The following ADAMTS7 variants were observed in gnomAD, a reference collection of about 807,000 sequenced individuals.
ADAMTS7 encodes ADAM metallopeptidase with thrombospondin type 1 motif 7.
Under a neutral mutation model 172.6 loss-of-function variants are expected in ADAMTS7, and 89 were observed. The ratio of observed to expected loss-of-function variants is 0.52; its 90% CI spans 0.43 to 0.61. The LOEUF (loss-of-function observed/expected upper bound fraction) is 0.61. ADAMTS7 is among the 20% of genes least tolerant of loss of function. The pLI, the probability that ADAMTS7 is intolerant of heterozygous loss-of-function variation, is 0.00. For missense variants in ADAMTS7, 1,973 were observed against 2,355.6 expected (o/e 0.84, Z 3.36); for synonymous variants, 885 against 978.4 (o/e 0.90, Z 1.78).
At position 78,777,473 on chromosome 15, in the gene ADAMTS7, C is replaced by T. The variant is rs771669252; in HGVS notation, c.1438G>A (p.Ala480Thr). 1.2e-6 allele frequency: 2 copies of T among 1,612,986 alleles called. No homozygotes were observed. Among genetic ancestry groups the T allele is most frequent in the South Asian group, 1.1e-5 (1 of 90,774 alleles). Reference sequence around the variant, plus strand: ...ATGTCCTCGCAGAAGGCAGAGTAGGCCCCGTACTGGAGGCGGCACTGGTGG... The same window carrying T: ...ATGTCCTCGCAGAAGGCAGAGTAGGTCCCGTACTGGAGGCGGCACTGGTGG... Reference protein sequence around the residue: ...VSHQCRLQYGAYSAFCEDMDN... With the variant: ...VSHQCRLQYGTYSAFCEDMDN... The change falls in exon 9 of 24, where the codon GCC becomes ACC. Residue 480 changes from alanine (A) to threonine (T), a missense_variant. Ala to Thr is a moderately conservative substitution (Grantham distance 58, BLOSUM62 0). This residue lies in a region of ADAMTS7 where 526 missense variants were observed against 662.9 expected (regional missense o/e 0.79). Transcript: ENST00000388820.
intron 8 of ADAMTS7, among the ~76,000 whole-genome samples, chr15:78,778,602 A>G (rs2055386652): frequency 6.6e-6 from 1 of 152,156 alleles, no homozygotes; most frequent in South Asian, 2.1e-4. Context: ...ACAGACTTGC[A>G]GGGCTGGGGA....
chr15:78,776,518 G>C (rs1410602152), intron 10 of ADAMTS7, 185 bp from the exon 11 acceptor site: 1 of 933,488 alleles, frequency 1.1e-6, no homozygotes, highest in Non-Finnish European at 1.6e-6. Flanking sequence ...AGCTGAGCGG[G>C]GAGTAAAACA....
In ADAMTS7 at chr15:78,800,346, A is replaced by G; in HGVS notation, c.302T>C (p.Leu101Pro). 1 of 1,603,858 alleles carries G rather than the reference A, an allele frequency of 6.2e-7. No homozygotes were observed. Among genetic ancestry groups the G allele is most frequent in the Non-Finnish European group, 8.5e-7 (1 of 1,176,532 alleles). ...CTCGCTCACAAAGCCGGGCGCCAGC[A>G]GGTGCTGATTGGCGGTCAGGTTGAA... ...LRFNLTANQH[L>P]LAPGFVSETR... is the part of the protein sequence containing the mutation. The change falls in exon 2 of 24, where the codon CTG (leucine) becomes CCG (proline). Residue 101 changes from leucine to proline, a missense_variant. Physicochemically the swap from Leu to Pro is moderately conservative, Grantham distance 98 (BLOSUM62 -3). Around this residue, in one of 8 missense-constraint regions of ADAMTS7, gnomAD observed 306 missense variants for 288.0 expected, o/e 1.06. Transcript: ENST00000388820.
chr15:78,801,987 C>T (rs1156726793), intron 1 of ADAMTS7, among the ~76,000 whole-genome samples: 2 of 152,080 alleles, frequency 1.3e-5, no homozygotes, highest in Non-Finnish European at 2.9e-5. Context: ...GGCACCAAGG[C>T]TGGCCCTGGA....
chr15:78,790,806 G>A lies in ADAMTS7; in HGVS notation c.904-12C>T. On this transcript the variant is annotated splice_polypyrimidine_tract_variant and intron_variant, in intron 5 of 23. Coordinates refer to ENST00000388820, the MANE Select transcript of ADAMTS7 (RefSeq NM_014272.5). ...ATCTTTAGGTCCTCCTGGGGGCAGA[G>A]AGAGTGACTGCTCATGCCTCCCCTG... is the stretch of plus-strand genomic sequence containing the variant. The A allele has an allele frequency of 1.2e-6, 2 of 1,612,932 alleles. No homozygotes were observed. The highest frequency in any genetic ancestry group is 8.5e-7 in the Non-Finnish European group (1 of 1,179,654).
chr15:78,796,579 C>T lies in ADAMTS7; in HGVS notation c.819+11G>A. On this transcript the variant is annotated intron_variant, in intron 4 of 23. Coordinates refer to ENST00000388820, the MANE Select transcript of ADAMTS7 (RefSeq NM_014272.5). ...ATCCCCGCCACCCGCTCCTGGCCCA[C>T]ACAGACTCACCATGTTCATGATGGT... 6.2e-7 allele frequency: 1 copy of T among 1,606,626 alleles called. No homozygotes were observed. The highest frequency in any genetic ancestry group is 8.5e-7 in the Non-Finnish European group (1 of 1,174,902).
intron 1 of ADAMTS7, chr15:78,810,505 G>T (rs1232146493): frequency 6.6e-6 from 1 of 152,366 alleles, no homozygotes; most frequent in South Asian, 2.1e-4. Context: ...GCCGGGAAAA[G>T]AAGCTCCTGC....
chr15:78,784,573 T>C (rs2055476522), intron 8 of ADAMTS7, among the ~76,000 whole-genome samples: 2 of 152,116 alleles, frequency 1.3e-5, no homozygotes, highest in African/African-American at 4.8e-5. Context: ...ACAACAACAG[T>C]TCAAGAACTG....
chr15:78,803,099 T>C (rs2055746955), intron 1 of ADAMTS7, among the ~76,000 whole-genome samples: 2 of 152,052 alleles, frequency 1.3e-5, no homozygotes, highest in South Asian at 4.1e-4. Flanking sequence ...TAGTCGTTCA[T>C]ACCTGTAATC....
intron 1 of ADAMTS7, among the ~76,000 whole-genome samples, chr15:78,807,918 G>A (rs772037587): frequency 2.8e-4 from 42 of 150,936 alleles, no homozygotes; most frequent in African/African-American, 9.2e-4. Context: ...GCAGTGATGC[G>A]ATCGTGGTTT....
intron 1 of ADAMTS7, among the ~76,000 whole-genome samples, chr15:78,803,290 G>A (rs990851797): frequency 2.6e-4 from 40 of 151,992 alleles, no homozygotes; most frequent in African/African-American, 9.2e-4. Context: ...AGCCCAGGAG[G>A]TCGAGGCTGC....
intron 17 of ADAMTS7, among the ~76,000 whole-genome samples, 190 bp from the exon 18 acceptor site, chr15:78,767,782 A>C (rs2141477248): frequency 6.6e-6 from 1 of 152,084 alleles, no homozygotes; most frequent in Admixed American, 6.5e-5. Flanking sequence ...GTGACATGGC[A>C]CAGCCCCTCC....
chr15:78,770,912 G>A, intron 16 of ADAMTS7: 1 of 541,748 alleles, frequency 1.8e-6, no homozygotes, highest in Admixed American at 3.2e-5. Context: ...CCTGGAGGGA[G>A]AACGCCAAGA....
chr15:78,810,889 T>G, intron 1 of ADAMTS7: 1 of 388,546 alleles, frequency 2.6e-6, no homozygotes, highest in Non-Finnish European at 4.4e-6. Flanking sequence ...CGACAGGCAG[T>G]GTCAGTAACT....
At chr15:78,803,428 T>C (rs1202843952) in intron 1 of ADAMTS7, among the ~76,000 whole-genome samples, 1 of 151,504 alleles carries the variant, frequency 6.6e-6, no homozygotes, top group South Asian at 2.1e-4. Flanking sequence ...TTAAACAAGA[T>C]TTTGTGGCAA....
chr15:78,767,228 C>T (rs1227778130), intron 18 of ADAMTS7, 151 bp downstream of exon 18: 2 of 1,186,632 alleles, frequency 1.7e-6, no homozygotes, highest in Non-Finnish European at 2.4e-6. Flanking sequence ...CCAGGGGCTT[C>T]CTGATCCCTG....
chr15:78,760,974 T>C (rs1358682225), intron 23 of ADAMTS7, among the ~76,000 whole-genome samples: 1 of 152,046 alleles, frequency 6.6e-6, no homozygotes, highest in Non-Finnish European at 1.5e-5. Flanking sequence ...CCTCCCCCAC[T>C]GGGATCATAA....
At chr15:78,784,773 T>C (rs28611246) in intron 8 of ADAMTS7, among the ~76,000 whole-genome samples, 46 of 152,090 alleles carry the variant, frequency 3.0e-4, no homozygotes, top group African/African-American at 1.1e-3. Context: ...CAGAGCAATA[T>C]TGGAAACTAG....
intron 1 of ADAMTS7, among the ~76,000 whole-genome samples, chr15:78,806,932 A>C (rs1180188091): frequency 6.6e-6 from 1 of 151,648 alleles, no homozygotes; most frequent in Non-Finnish European, 1.5e-5. Flanking sequence ...ATGCCCAACT[A>C]ATTTTTGTAT....
Sources: gnomAD v4.1 joint callset for allele counts (sites outside exome capture counted in the v4.1 genomes callset) on GRCh38, gnomAD v4.1.1 for gene constraint, gnomAD v4.1.1 regional missense constraint, MANE v1.5 for transcripts, NCBI Gene and HGNC (gene_info 2026-07-23, HGNC 2026-07-21) for gene names.